Variants in KLF12 observed in about 807,000 individuals in gnomAD.
KLF12 encodes Krueppel-like factor 12.
A neutral mutation model predicts 37.8 loss-of-function variants in KLF12; 9 were observed. That is an observed-to-expected ratio of 0.24 (90% CI 0.14 to 0.42). The LOEUF (loss-of-function observed/expected upper bound fraction) is 0.42. KLF12 is among the 10% of genes least tolerant of loss of function. The pLI, the probability that KLF12 is intolerant of heterozygous loss-of-function variation, is 1.00. For synonymous variants in KLF12, 208 were observed against 202.1 expected (o/e 1.03, Z -0.25); for missense variants, 411 against 516.0 (o/e 0.80, Z 1.97).
At chr13:73,925,606 G>A (rs758290556) in intron 3 of KLF12, among the ~76,000 whole-genome samples, 15 of 152,246 alleles carry the variant, frequency 9.9e-5, no homozygotes, top group Middle Eastern at 6.8e-3. Flanking sequence ...TCTGCAGCCC[G>A]TGGATAAGTA....
chr13:73,846,059 C>A lies in KLF12; in HGVS notation c.438G>T (p.Gly146=), dbSNP rs1410217560. 6.2e-7 allele frequency: 1 copy of A among 1,613,988 alleles called. No homozygotes were observed. Among genetic ancestry groups the A allele is most frequent in the East Asian group, 2.2e-5 (1 of 44,858 alleles). ...CACCAGATGCAGAGGCCACAAGGGG[C>A]CCTGGAGTTAATACTGTTGACGAAG... Residue 146 remains glycine (G), a synonymous_variant, in exon 4 of 8, where the codon GGG becomes GGT. Coordinates refer to ENST00000377669, the MANE Select transcript of KLF12 (RefSeq NM_007249.5).
chr13:74,095,928 G>C (rs1319858984), intron 1 of KLF12, among the ~76,000 whole-genome samples: 1 of 152,100 alleles, frequency 6.6e-6, no homozygotes, highest in African/African-American at 2.4e-5. Context: ...GTTCCACATA[G>C]AAACACACAT....
At chr13:73,840,102 C>T (rs1358912417) in intron 4 of KLF12, among the ~76,000 whole-genome samples, 2 of 152,156 alleles carry the variant, frequency 1.3e-5, no homozygotes, top group Middle Eastern at 3.2e-3. Flanking sequence ...TCAGTGTCAA[C>T]GATGAACACT....
chr13:74,288,683 C>T, the KLF12 span, among the ~76,000 whole-genome samples: 1 of 152,226 alleles, frequency 6.6e-6, no homozygotes, highest in Non-Finnish European at 1.5e-5. Context: ...TGGGTTTCAG[C>T]GGCATACAGA....
At chr13:73,844,954 G>A (rs560135841) in intron 4 of KLF12, 3 of 152,226 alleles carry the variant, frequency 2.0e-5, no homozygotes, top group African/African-American at 7.2e-5. Context: ...TTGAGGGGTG[G>A]CTTGGTTTTT....
At chr13:74,266,958 T>C in the KLF12 span, among the ~76,000 whole-genome samples, 3 of 152,190 alleles carry the variant, frequency 2.0e-5, no homozygotes, top group Non-Finnish European at 4.4e-5. Context: ...TCCATCTGAA[T>C]GCTCTCAGAG....
At chr13:74,248,253 T>A in the KLF12 span, among the ~76,000 whole-genome samples, 2 of 152,168 alleles carry the variant, frequency 1.3e-5, no homozygotes, top group African/African-American at 4.8e-5. Flanking sequence ...GCATTCAGAT[T>A]TTGAGCCTGA....
At chr13:74,010,668 C>G (rs1179992222) in intron 1 of KLF12, among the ~76,000 whole-genome samples, 1 of 151,816 alleles carries the variant, frequency 6.6e-6, no homozygotes, top group Non-Finnish European at 1.5e-5. Flanking sequence ...AAACACAGAC[C>G]TAATCAATAC....
In KLF12 at chr13:73,892,090, T is replaced by G. The variant is rs138887330; in HGVS notation, c.124-45717A>C. Among the ~76,000 whole-genome samples the G allele has an allele frequency of 4.6e-3, 697 of 152,220 alleles. 2 individuals carry two copies. Among genetic ancestry groups the G allele is most frequent in the African/African-American group, 0.015 (617 of 41,560 alleles). ...CAAGTATTTATCCTGGGGCCCAGTTTGTTGTTTTAATGGTATTAACTTATG... is the reference window on the plus strand; with the variant it reads ...CAAGTATTTATCCTGGGGCCCAGTTGGTTGTTTTAATGGTATTAACTTATG... On this transcript the variant is annotated intron_variant, in intron 3 of 7. Transcript: ENST00000377669.
intron 4 of KLF12, among the ~76,000 whole-genome samples, chr13:73,841,230 C>T (rs995067668): frequency 8.5e-5 from 13 of 152,136 alleles, no homozygotes; most frequent in African/African-American, 2.9e-4. Context: ...CTAAACGCGC[C>T]TGCTCTTCCA....
intron 1 of KLF12, among the ~76,000 whole-genome samples, chr13:74,119,062 A>G (rs1877470804): frequency 6.6e-6 from 1 of 152,166 alleles, no homozygotes; most frequent in South Asian, 2.1e-4. Flanking sequence ...GCAGGGCACA[A>G]TGGCTCATGT....
chr13:73,809,606 A>T (rs578043618), intron 5 of KLF12, among the ~76,000 whole-genome samples: 1 of 143,248 alleles, frequency 7.0e-6, no homozygotes, highest in African/African-American at 2.6e-5. Context: ...TAAAAATTCT[A>T]TAACAATTAT....
At chr13:73,961,898 G>A in intron 2 of KLF12, 1 of 414,434 alleles carries the variant, frequency 2.4e-6, no homozygotes, top group East Asian at 7.7e-5. Flanking sequence ...TGGTAGAAAT[G>A]CAAAATGGGC....
chr13:73,763,802 G>A (rs928959121), intron 6 of KLF12, among the ~76,000 whole-genome samples: 1 of 152,078 alleles, frequency 6.6e-6, no homozygotes, highest in African/African-American at 2.4e-5. Flanking sequence ...GCCGGACAGG[G>A]GATAACATGC....
chr13:74,120,703 T>C (rs1217095816), intron 1 of KLF12, among the ~76,000 whole-genome samples: 1 of 152,042 alleles, frequency 6.6e-6, no homozygotes, highest in African/African-American at 2.4e-5. Context: ...ATGGATAGGC[T>C]ATAACATGTA....
intron 1 of KLF12, among the ~76,000 whole-genome samples, chr13:74,024,948 C>T (rs183360559): frequency 2.6e-5 from 4 of 152,274 alleles, no homozygotes; most frequent in Non-Finnish European, 4.4e-5. Flanking sequence ...ATGTTAAGTT[C>T]TCAACATAAA....
At chr13:73,928,455 T>C (rs1288720118) in intron 3 of KLF12, among the ~76,000 whole-genome samples, 1 of 152,216 alleles carries the variant, frequency 6.6e-6, no homozygotes, top group East Asian at 1.9e-4. Flanking sequence ...CTCTCAATTA[T>C]GCAAGGGGTA....
chr13:74,290,690 G>A, the KLF12 span, among the ~76,000 whole-genome samples: 2 of 152,198 alleles, frequency 1.3e-5, no homozygotes, highest in African/African-American at 4.8e-5. Flanking sequence ...CTTCTGGAGA[G>A]TTTTAGGCAT....
the KLF12 span, among the ~76,000 whole-genome samples, chr13:74,288,756 G>A: frequency 5.3e-5 from 8 of 152,286 alleles, no homozygotes; most frequent in South Asian, 1.7e-3. Context: ...ACCCAGAAAA[G>A]AGCTGAACAG....
Sources: allele counts gnomAD v4.1 joint callset (sites outside exome capture counted in the v4.1 genomes callset), GRCh38; gene constraint gnomAD v4.1.1; transcripts MANE v1.5; gene names NCBI Gene and HGNC (gene_info 2026-07-23, HGNC 2026-07-21).